Variants in ARHGAP28 observed in about 807,000 individuals in gnomAD.
The protein encoded by ARHGAP28 is rho GTPase-activating protein 28.
A neutral mutation model predicts 90.7 loss-of-function variants in ARHGAP28; 56 were observed. That is an observed-to-expected ratio of 0.62 (90% CI 0.50 to 0.77). The LOEUF (loss-of-function observed/expected upper bound fraction) is 0.77. ARHGAP28 is among the 30% of genes least tolerant of loss of function. The pLI, the probability that ARHGAP28 is intolerant of heterozygous loss-of-function variation, is 0.00. For missense variants in ARHGAP28, 869 were observed against 900.9 expected, an observed-to-expected ratio of 0.96 and a Z score of 0.45; for synonymous variants, 308 against 323.3, an observed-to-expected ratio of 0.95 and a Z score of 0.51.
At chr18:6,788,336 C>G (rs1395705049) in intron 1 of ARHGAP28, among the ~76,000 whole-genome samples, 2 of 152,192 alleles carry the variant, frequency 1.3e-5, no homozygotes, top group East Asian at 1.9e-4. Context: ...AGAAGCCGAG[C>G]AGATGCCAGC....
chr18:6,851,213 C>T (rs1244761562), intron 4 of ARHGAP28, 87 bp downstream of exon 4: 4 of 1,192,662 alleles, frequency 3.4e-6, no homozygotes, highest in Non-Finnish European at 4.9e-6. Context: ...AAAAGTGCAA[C>T]ATAATTAAGA....
intron 1 of ARHGAP28, among the ~76,000 whole-genome samples, chr18:6,735,452 C>G (rs1033861573): frequency 1.3e-5 from 2 of 152,108 alleles, no homozygotes; most frequent in African/African-American, 4.8e-5. Context: ...ACAGACTGTC[C>G]TTGTCTTTCA....
intron 1 of ARHGAP28, among the ~76,000 whole-genome samples, chr18:6,780,888 C>T (rs922416086): frequency 6.2e-5 from 9 of 144,834 alleles, no homozygotes; most frequent in East Asian, 2.0e-4. Context: ...AGCAAAACTC[C>T]GTCTCCAAAA....
rs1430388197 is a variant in ARHGAP28, at chr18:6,873,559, A to G, written c.1105A>G (p.Lys369Glu). Residue 369 changes from lysine to glutamate, a missense_variant, in exon 8 of 18, where the codon AAA becomes GAA. Transcript: ENST00000383472. ...TCAACTGAAAAGGAACAAAACAGAG[A>G]AAGTAAAAGGACGAGGTAACTAAGA... Reference protein sequence around the residue: ...GIQLKRNKTEKVKGRDNGIFG... With the variant: ...GIQLKRNKTEEVKGRDNGIFG... 6.2e-7 allele frequency: 1 copy of G among 1,613,430 alleles called. No homozygotes were observed. The highest frequency in any genetic ancestry group is 1.7e-5 in the Admixed American group (1 of 59,896).
intron 4 of ARHGAP28, 143 bp downstream of exon 4, chr18:6,851,269 A>G: frequency 1.5e-6 from 1 of 677,724 alleles, no homozygotes; most frequent in Non-Finnish European, 2.5e-6. Flanking sequence ...ACCTTAGGTG[A>G]TTTTTAAGGA....
intron 1 of ARHGAP28, among the ~76,000 whole-genome samples, chr18:6,748,805 A>G (rs1293569867): frequency 1.3e-5 from 2 of 152,182 alleles, no homozygotes; most frequent in East Asian, 3.9e-4. Context: ...AGGGAAATTA[A>G]TCCTTTTTTA....
At chr18:6,847,506 A>T (rs973643212) in intron 3 of ARHGAP28, among the ~76,000 whole-genome samples, 5 of 152,120 alleles carry the variant, frequency 3.3e-5, no homozygotes, top group African/African-American at 1.2e-4. Flanking sequence ...CAGATGTTGC[A>T]TCAGGCAAGC....
chr18:6,875,340 T>C (rs2057122783), intron 9 of ARHGAP28, among the ~76,000 whole-genome samples: 1 of 152,240 alleles, frequency 6.6e-6, no homozygotes, highest in African/African-American at 2.4e-5. Context: ...CCTAAATGTC[T>C]GTTTGCCTCC....
chr18:6,911,062 C>T (rs1242585228), intron 17 of ARHGAP28, among the ~76,000 whole-genome samples: 1 of 152,044 alleles, frequency 6.6e-6, no homozygotes, highest in Non-Finnish European at 1.5e-5. Context: ...TCCCGATCTC[C>T]TGACCTTGTG....
At chr18:6,844,637 G>T (rs1472059393) in intron 3 of ARHGAP28, among the ~76,000 whole-genome samples, 1 of 152,140 alleles carries the variant, frequency 6.6e-6, no homozygotes, top group Non-Finnish European at 1.5e-5. Flanking sequence ...ATAGCCAGAT[G>T]ATTTTTTGTA....
chr18:6,786,158 G>A (rs2056363176), intron 1 of ARHGAP28, among the ~76,000 whole-genome samples: 2 of 152,178 alleles, frequency 1.3e-5, no homozygotes, highest in Non-Finnish European at 1.5e-5. Flanking sequence ...AGTGACCAGC[G>A]TAGTGATTTC....
At chr18:6,782,592 ATTTTTTTTTT>A (rs10602816) in intron 1 of ARHGAP28, among the ~76,000 whole-genome samples, 884 of 26,612 alleles carry the variant, frequency 0.033, 9 homozygotes, top group African/African-American at 0.077. Flanking sequence ...TAATTTTTGT[ATTTTTTTTTT>A]TTTTTTTTTT....
intron 3 of ARHGAP28, among the ~76,000 whole-genome samples, chr18:6,840,886 A>G (rs1381860616): frequency 6.6e-6 from 1 of 152,186 alleles, no homozygotes; most frequent in African/African-American, 2.4e-5. Flanking sequence ...TCCTTGTCAG[A>G]GATGTAAAAA....
intron 1 of ARHGAP28, among the ~76,000 whole-genome samples, chr18:6,763,257 A>AT (rs2056176118): frequency 6.6e-6 from 1 of 151,856 alleles, no homozygotes; most frequent in South Asian, 2.1e-4. Flanking sequence ...TAATTTTGGT[A>AT]TTTTTAGTAA....
chr18:6,890,573 TC>T, intron 14 of ARHGAP28, 30 bp downstream of exon 14: 1 of 1,422,952 alleles, frequency 7.0e-7, no homozygotes, highest in Non-Finnish European at 9.8e-7. Context: ...ATGGCGATTG[TC>T]CACTGCCTAG....
In ARHGAP28 at chr18:6,736,619, C is replaced by T. The variant is rs576268385; in HGVS notation, c.122+6676C>T. 1.5e-4 allele frequency among the ~76,000 whole-genome samples: 22 copies of T among 151,480 alleles called. No homozygotes were observed. The South Asian group carries it at 2.5e-3, about 17-fold the overall frequency. On this transcript the variant is annotated intron_variant, in intron 1 of 17. Transcript: ENST00000383472. Reference sequence around the variant, plus strand: ...AAAATTAGTCGAGCGTGATGGTGGGCGCCTGTAATCCCAGCTACTTGGGAG... The same window carrying T: ...AAAATTAGTCGAGCGTGATGGTGGGTGCCTGTAATCCCAGCTACTTGGGAG...
At chr18:6,825,095 G>A in intron 2 of ARHGAP28, 131 bp downstream of exon 2, 1 of 876,660 alleles carries the variant, frequency 1.1e-6, no homozygotes. Context: ...GCATATTGAT[G>A]ATCTACTCCC....
chr18:6,905,012 A>G (rs2143838419), intron 16 of ARHGAP28, among the ~76,000 whole-genome samples: 1 of 152,242 alleles, frequency 6.6e-6, no homozygotes, highest in East Asian at 1.9e-4. Flanking sequence ...ACTAATCTAG[A>G]ACAGTCTTTT....
chr18:6,874,340 A>AG (rs1425617426), intron 9 of ARHGAP28, among the ~76,000 whole-genome samples: 1 of 152,226 alleles, frequency 6.6e-6, no homozygotes, highest in Non-Finnish European at 1.5e-5. Flanking sequence ...TTAGACAAAA[A>AG]GAATAATTTT....
Sources: gnomAD v4.1 joint callset for allele counts (sites outside exome capture counted in the v4.1 genomes callset) on GRCh38, gnomAD v4.1.1 for gene constraint, MANE v1.5 for transcripts, NCBI Gene and HGNC (gene_info 2026-07-23, HGNC 2026-07-21) for gene names.